TTC3: variants seen among roughly 807,000 people sequenced by gnomAD.
The protein encoded by TTC3 is tetratricopeptide repeat domain 3, also known as E3 ubiquitin-protein ligase TTC3.
TTC3 carries 180 observed loss-of-function variants against 249.6 expected under a neutral mutation model. The ratio of observed to expected loss-of-function variants is 0.72; its 90% confidence interval spans 0.64 to 0.82. TTC3 has a LOEUF of 0.82. Ranked by LOEUF, TTC3 falls within the 40% of genes least tolerant of loss-of-function variation. TTC3 has a pLI of 0.00. For synonymous variants in TTC3, 717 were observed against 805.0 expected, an observed-to-expected ratio of 0.89 and a Z score of 1.85; for missense variants, 2,061 against 2,398.4, an observed-to-expected ratio of 0.86 and a Z score of 2.94.
At chr21:37,093,881 G>C in intron 7 of TTC3, 124 bp from the exon 8 acceptor site, 1 of 557,664 alleles carries the variant, frequency 1.8e-6, no homozygotes, top group Non-Finnish European at 3.2e-6. Context: ...GTGCTATTTA[G>C]AAAGAATAAT....
At chr21:37,135,829 G>A (rs932292707) in intron 18 of TTC3, among the ~76,000 whole-genome samples, 2 of 152,110 alleles carry the variant, frequency 1.3e-5, no homozygotes, top group African/African-American at 4.8e-5. Context: ...GGCACACCTC[G>A]TTTCATTATG....
At chr21:37,126,131 TCAC>T in exon 15 of TTC3, 1 of 1,612,452 alleles carries the variant, frequency 6.2e-7, no homozygotes, top group South Asian at 1.1e-5. Flanking sequence ...TCCTGAATTT[TCAC>T]CACCATCAAG....
intron 2 of TTC3, 120 bp downstream of exon 2, chr21:37,087,521 T>C: frequency 8.0e-7 from 1 of 1,244,100 alleles, no homozygotes; most frequent in Non-Finnish European, 1.1e-6. Context: ...GTACACATGC[T>C]GTTGAAAAGT....
chr21:37,180,875 A>G (rs1260879826), intron 35 of TTC3, among the ~76,000 whole-genome samples: 1 of 152,046 alleles, frequency 6.6e-6, no homozygotes, highest in Non-Finnish European at 1.5e-5. Context: ...TTATGTATAT[A>G]TTATCAAAGG....
chr21:37,155,489 T>C (rs954227980), intron 27 of TTC3, among the ~76,000 whole-genome samples: 1 of 152,228 alleles, frequency 6.6e-6, no homozygotes, highest in African/African-American at 2.4e-5. Flanking sequence ...TGGTCCCTTA[T>C]TCTGGTGTTT....
Position 37,121,937 on chromosome 21 carries a change from C to T in TTC3, c.1021C>T (p.Gln341Ter), listed in dbSNP as rs1457882575. The T allele has an allele frequency of 6.2e-7, 1 of 1,612,076 alleles. No homozygotes were observed. The highest frequency in any genetic ancestry group is 8.5e-7 in the Non-Finnish European group (1 of 1,179,258). The change falls in exon 12 of 46, where the codon CAG becomes TAG. Residue 341 changes from glutamine (Q) to a stop codon, truncating the protein, a stop_gained. Transcript: ENST00000355666. LOFTEE classifies it high-confidence loss of function. ...CCCTGAGGGAATCAAGGATCTAATTCAGCAGCATGTAAAGTTACAAAAACA... is the reference window on the plus strand; with the variant it reads ...CCCTGAGGGAATCAAGGATCTAATTTAGCAGCATGTAAAGTTACAAAAACA...
At chr21:37,115,609 T>C (rs1306202338) in intron 11 of TTC3, among the ~76,000 whole-genome samples, 1 of 152,222 alleles carries the variant, frequency 6.6e-6, no homozygotes, top group Non-Finnish European at 1.5e-5. Flanking sequence ...TGTCTATTGA[T>C]AAAGCAGCAG....
chr21:37,189,111 G>T (rs980711776), intron 39 of TTC3, among the ~76,000 whole-genome samples: 1 of 152,096 alleles, frequency 6.6e-6, no homozygotes, highest in Non-Finnish European at 1.5e-5. Context: ...CATTTTCAAG[G>T]CTTTTAAAAT....
At position 37,144,592 on chromosome 21, in the gene TTC3, A is replaced by T. The variant is rs149998163; in HGVS notation, c.1840A>T (p.Thr614Ser). Residue 614 changes from threonine (T) to serine (S), a missense_variant, in exon 21 of 46, where the codon ACT becomes TCT. Transcript: ENST00000355666. ...GATTTATCGTCTTCCTGGAGTGTTA[A>T]CTTGGCCCACGAGTAATGTGATTAT... 1.1e-5 allele frequency: 18 copies of T among 1,612,614 alleles called. No homozygotes were observed. Among genetic ancestry groups the T allele is most frequent in the Non-Finnish European group, 1.5e-5 (18 of 1,179,472 alleles).
chr21:37,159,532 G>A, intron 28 of TTC3, 167 bp from the exon 29 acceptor site: 1 of 639,202 alleles, frequency 1.6e-6, no homozygotes, highest in South Asian at 2.2e-5. Context: ...TTCCCGTTTA[G>A]TCAGCCATTT....
Position 37,088,334 on chromosome 21 carries a change from G to A in TTC3, c.326G>A (p.Cys109Tyr), listed in dbSNP as rs1279584091. Residue 109 changes from cysteine to tyrosine, a missense_variant, in exon 4 of 46, where the codon TGT becomes TAT. Physicochemically the swap from Cys to Tyr is radical, Grantham distance 194 (BLOSUM62 -2). This residue lies in a region of TTC3 where 989 missense variants were observed against 1,145.1 expected (regional missense o/e 0.86). Transcript: ENST00000355666. ...TCCGTAATATCACGATTGCATCCCT[G>A]TGTGGACGCCAAGTAAGTTACTATA... 2.5e-6 allele frequency: 4 copies of A among 1,611,622 alleles called. No individual in the cohort carries two copies. In the Admixed American group the frequency reaches 6.7e-5, roughly 27 times the overall value.
At chr21:37,148,237 A>C (rs1754473838) in intron 22 of TTC3, among the ~76,000 whole-genome samples, 1 of 152,200 alleles carries the variant, frequency 6.6e-6, no homozygotes, top group African/African-American at 2.4e-5. Flanking sequence ...CCAAATCTAA[A>C]GGTCATTGTG....
chr21:37,083,196 T>G, intron 1 of TTC3: 1 of 985,414 alleles, frequency 1.0e-6, no homozygotes, highest in Non-Finnish European at 1.2e-6. Context: ...ATTAGGTGGT[T>G]GCAGAATAAG....
At chr21:37,080,472 C>T (rs2071483587) in intron 1 of TTC3, among the ~76,000 whole-genome samples, 1 of 151,418 alleles carries the variant, frequency 6.6e-6, no homozygotes, top group Non-Finnish European at 1.5e-5. Flanking sequence ...TGTTAAGTGT[C>T]TATTAGGTAA....
chr21:37,106,637 C>T (rs1051562296), intron 10 of TTC3, among the ~76,000 whole-genome samples: 5 of 152,306 alleles, frequency 3.3e-5, no homozygotes, highest in South Asian at 4.1e-4. Flanking sequence ...GTATTCCCAG[C>T]ACTTTGGGAG....
At chr21:37,079,601 A>G (rs2071362042) in intron 1 of TTC3, among the ~76,000 whole-genome samples, 1 of 135,998 alleles carries the variant, frequency 7.4e-6, no homozygotes, top group Non-Finnish European at 1.5e-5. Flanking sequence ...CAGTGGTGCC[A>G]TCTCATTGCA....
intron 39 of TTC3, among the ~76,000 whole-genome samples, chr21:37,189,088 G>A (rs200628890): frequency 6.8e-6 from 1 of 147,592 alleles, no homozygotes; most frequent in African/African-American, 2.5e-5. Flanking sequence ...AGTAAAATTT[G>A]GAATGAAGAT....
chr21:37,169,923 G>A (rs1434923685), intron 34 of TTC3, among the ~76,000 whole-genome samples: 1 of 151,506 alleles, frequency 6.6e-6, no homozygotes, highest in African/African-American at 2.4e-5. Flanking sequence ...TAAATACATA[G>A]GAGAAATGGA....
At chr21:37,166,002 G>C in exon 33 of TTC3, 1 of 1,614,130 alleles carries the variant, frequency 6.2e-7, no homozygotes, top group South Asian at 1.1e-5. Context: ...AATTCTTCTA[G>C]ACAAGTTTCT....
Sources: gnomAD v4.1 joint callset for allele counts (sites outside exome capture counted in the v4.1 genomes callset) on GRCh38, gnomAD v4.1.1 for gene constraint, gnomAD v4.1.1 regional missense constraint, MANE v1.5 for transcripts, NCBI Gene and HGNC (gene_info 2026-07-23, HGNC 2026-07-21) for gene names.